ANKS6: variants seen among roughly 807,000 people sequenced by gnomAD.
The protein encoded by ANKS6 is ankyrin repeat and sterile alpha motif domain containing 6.
In ANKS6, 47 loss-of-function variants were observed where a neutral mutation model predicts 77.9. The observed-to-expected ratio is 0.60, with a 90% CI of 0.48 to 0.77. ANKS6 has a LOEUF of 0.77. Among genes scored for constraint, ANKS6 ranks in the 30% least tolerant of loss-of-function variants. The pLI, the probability that ANKS6 is intolerant of heterozygous loss-of-function variation, is 0.00. For missense variants in ANKS6, 1,150 were observed against 1,159.1 expected (o/e 0.99, Z 0.11); for synonymous variants, 488 against 501.7 (o/e 0.97, Z 0.37).
intron 8 of ANKS6, among the ~76,000 whole-genome samples, chr9:98,777,029 G>A (rs774655384): frequency 2.1e-4 from 32 of 152,324 alleles, no homozygotes; most frequent in Non-Finnish European, 3.7e-4. Context: ...TTACAGATGA[G>A]GAAACTGAGG....
Position 98,756,511 on chromosome 9 carries a change from C to T in ANKS6, c.2235G>A (p.Gly745=), listed in dbSNP as rs773726084. Reference sequence around the variant, plus strand: ...AAGACACTGAGGACTCTGCAGTGTGCCCTTTGGGTGAGGGGGAGGGCGTGA... The same window carrying T: ...AAGACACTGAGGACTCTGCAGTGTGTCCTTTGGGTGAGGGGGAGGGCGTGA... ...PTLTPSPSPK[G]HTAESSVSSS... is the part of the protein sequence containing the mutation. Residue 745 remains glycine (G), a synonymous_variant, in exon 12 of 15, where the codon GGG becomes GGA. Coordinates refer to ENST00000353234, the MANE Select transcript of ANKS6 (RefSeq NM_173551.5). The T allele has an allele frequency of 1.9e-5, 31 of 1,609,868 alleles. No homozygotes were observed. Among genetic ancestry groups the T allele is most frequent in the South Asian group, 7.7e-5 (7 of 90,516 alleles).
chr9:98,733,502 T>C lies in ANKS6; in HGVS notation c.*3017A>G, dbSNP rs1056799242. On this transcript the variant is annotated 3_prime_UTR_variant, in exon 15 of 15. Transcript: ENST00000353234. ...GTCCCACTGCCAAGCAGGCCACCTC[T>C]GCAGAGCTGCTGGGGAGAAAAAGGT... The C allele has an allele frequency of 1.6e-5, 16 of 985,396 alleles. No individual in the cohort carries two copies. The highest frequency in any genetic ancestry group is 1.9e-5 in the Non-Finnish European group (16 of 829,986). The allele number at this position is 985,396 out of a possible 1,614,324, so 61.0% of individuals were successfully genotyped here. A position where few individuals can be genotyped will look rare whatever the true frequency, so the allele number is the denominator to read the frequency against.
intron 2 of ANKS6, among the ~76,000 whole-genome samples, chr9:98,787,773 G>T (rs935700758): frequency 6.6e-6 from 1 of 152,204 alleles, no homozygotes; most frequent in Non-Finnish European, 1.5e-5. Flanking sequence ...CAATTAAGAT[G>T]ACCAAGACCA....
intron 11 of ANKS6, among the ~76,000 whole-genome samples, chr9:98,763,913 C>T (rs1833141791): frequency 6.6e-6 from 1 of 152,038 alleles, no homozygotes. Context: ...AGTACAAAAA[C>T]TCACCCAAGT....
intron 2 of ANKS6, among the ~76,000 whole-genome samples, chr9:98,787,594 T>C (rs1439899301): frequency 6.6e-6 from 1 of 152,184 alleles, no homozygotes; most frequent in Non-Finnish European, 1.5e-5. Context: ...AATGAATGTA[T>C]CATCAATCAA....
intron 13 of ANKS6, among the ~76,000 whole-genome samples, chr9:98,749,607 G>A (rs1252133686): frequency 6.6e-6 from 1 of 152,174 alleles, no homozygotes; most frequent in African/African-American, 2.4e-5. Context: ...AGAAGCAGAA[G>A]TGTACTTTGA....
At chr9:98,740,637 G>A (rs755377646) in intron 14 of ANKS6, among the ~76,000 whole-genome samples, 3 of 152,154 alleles carry the variant, frequency 2.0e-5, no homozygotes, top group Non-Finnish European at 4.4e-5. Flanking sequence ...GCAAGACAGG[G>A]TTCCGGCCCT....
chr9:98,769,981 T>G (rs956012844), intron 10 of ANKS6, among the ~76,000 whole-genome samples: 5 of 152,240 alleles, frequency 3.3e-5, no homozygotes, highest in African/African-American at 4.8e-5. Context: ...TTTTAGTCTC[T>G]TGGCTCATCT....
chr9:98,769,872 G>T (rs896789009), intron 10 of ANKS6, among the ~76,000 whole-genome samples: 7 of 152,208 alleles, frequency 4.6e-5, no homozygotes, highest in Admixed American at 1.3e-4. Context: ...ATAAATTATT[G>T]TGCCTTTTTA....
Position 98,780,326 on chromosome 9 carries a change from CAAG to C in ANKS6, c.1228_1230del (p.Leu410del). On this transcript the variant is annotated inframe_deletion, in exon 6 of 15. Coordinates refer to ENST00000353234, the MANE Select transcript of ANKS6 (RefSeq NM_173551.5). ...ATGCAGACAGATGCCAGCAGTCGAACAAGTTCCGTGTCTATGGACACAAAAGGC... is the reference window on the plus strand; with the variant it reads ...ATGCAGACAGATGCCAGCAGTCGAACTTCCGTGTCTATGGACACAAAAGGC... The C allele has an allele frequency of 6.3e-7, 1 of 1,596,692 alleles. No individual in the cohort carries two copies. The highest frequency in any genetic ancestry group is 1.1e-5 in the South Asian group (1 of 88,524).
intron 2 of ANKS6, among the ~76,000 whole-genome samples, chr9:98,789,306 C>T (rs982033852): frequency 1.3e-5 from 2 of 151,752 alleles, no homozygotes; most frequent in Non-Finnish European, 1.5e-5. Context: ...GGTACCAAGG[C>T]TGTGTGTTGC....
chr9:98,754,643 A>G lies in ANKS6; in HGVS notation c.2326+1777T>C, dbSNP rs192630381. Among the ~76,000 whole-genome samples the G allele has an allele frequency of 7.4e-3, 1,098 of 148,578 alleles. 22 individuals carry two copies. Among genetic ancestry groups the G allele is most frequent in the African/African-American group, 0.025 (1,031 of 40,946 alleles). On this transcript the variant is annotated intron_variant, in intron 12 of 14. Transcript: ENST00000353234. The stretch of plus-strand genomic sequence containing the variant: ...GGTGACAGAGCAAGCCTCCGTCTCA[A>G]AAAAAAAAAAGCTCTTCGGGGATGG...
At chr9:98,775,718 T>C (rs1437475700) in intron 8 of ANKS6, among the ~76,000 whole-genome samples, 3 of 152,210 alleles carry the variant, frequency 2.0e-5, no homozygotes, top group African/African-American at 4.8e-5. Context: ...ATGCCAACCA[T>C]GGTTATAGTT....
At chr9:98,754,726 C>T (rs928640432) in intron 12 of ANKS6, among the ~76,000 whole-genome samples, 1 of 152,172 alleles carries the variant, frequency 6.6e-6, no homozygotes, top group Non-Finnish European at 1.5e-5. Context: ...CTCGCTGCCT[C>T]AGGACCCAGG....
At position 98,780,277 on chromosome 9, in the gene ANKS6, C is replaced by T. The variant is rs200259719; in HGVS notation, c.1280G>A (p.Arg427Gln). ...GGGCAGGGGAGGCTGGTGGCTCGGC[C>T]GGCCTTTGTCTTTATTCACCTGCAT... ...VCMQVNKDKG[R>Q]PSHQPPLPHS... Residue 427 changes from arginine (R) to glutamine (Q), a missense_variant, in exon 6 of 15, where the codon CGG becomes CAG. Transcript: ENST00000353234. The T allele has an allele frequency of 3.6e-5, 58 of 1,611,578 alleles. No individual in the cohort carries two copies. The highest frequency in any genetic ancestry group is 7.7e-5 in the South Asian group (7 of 90,396).
At chr9:98,764,271 A>G (rs1833157577) in intron 11 of ANKS6, among the ~76,000 whole-genome samples, 1 of 151,822 alleles carries the variant, frequency 6.6e-6, no homozygotes. Context: ...TGCCTTCAAG[A>G]TTTTCTCTTT....
intron 11 of ANKS6, among the ~76,000 whole-genome samples, chr9:98,757,910 A>G (rs888996799): frequency 6.6e-6 from 1 of 152,014 alleles, no homozygotes; most frequent in Non-Finnish European, 1.5e-5. Flanking sequence ...CCTGGGTGAC[A>G]AAGCGAGACT....
chr9:98,740,310 G>C (rs1831754837), intron 14 of ANKS6, among the ~76,000 whole-genome samples: 1 of 152,070 alleles, frequency 6.6e-6, no homozygotes, highest in Non-Finnish European at 1.5e-5. Flanking sequence ...TAAATAAGCT[G>C]GGAAAATGCC....
chr9:98,753,577 C>G (rs548273540), intron 12 of ANKS6, among the ~76,000 whole-genome samples: 1 of 151,410 alleles, frequency 6.6e-6, no homozygotes, highest in Admixed American at 6.6e-5. Flanking sequence ...GCTGTGATCA[C>G]ACCACTGTAC....
Sources: gnomAD v4.1 joint callset for allele counts (sites outside exome capture counted in the v4.1 genomes callset) on GRCh38, gnomAD v4.1.1 for gene constraint, MANE v1.5 for transcripts, NCBI Gene and HGNC (gene_info 2026-07-23, HGNC 2026-07-21) for gene names.